Variants in NEK1 observed in about 807,000 individuals in gnomAD.
NEK1 encodes NIMA related kinase 1, also known as serine/threonine-protein kinase Nek1.
In NEK1, 137 loss-of-function variants were observed where a neutral mutation model predicts 182.1. The ratio of observed to expected loss-of-function variants is 0.75; its 90% CI spans 0.65 to 0.87. NEK1 has a LOEUF of 0.87. Among genes scored for constraint, NEK1 ranks in the 40% least tolerant of loss-of-function variants. The pLI is 0.00. For synonymous variants in NEK1, 513 were observed against 492.2 expected (o/e 1.04, Z -0.56); for missense variants, 1,391 against 1,494.4 (o/e 0.93, Z 1.14).
chr4:169,573,067 A>AG lies in NEK1; in HGVS notation c.1020+3860dup, dbSNP rs1307076031. 1.3e-5 allele frequency among the ~76,000 whole-genome samples: 2 copies of AG among 152,260 alleles called. 1 individual carries two copies. The highest frequency in any genetic ancestry group is 3.8e-4 in the East Asian group (2 of 5,206). ...TGCTAACATGAATGATTCAGTAGAG[A>AG]GAAAAAACTATAATGATGCAGGAGA... On this transcript the variant is annotated intron_variant, in intron 12 of 35. Coordinates refer to ENST00000507142, the MANE Select transcript of NEK1 (RefSeq NM_001199397.3).
At chr4:169,402,572 C>T (rs917347496) in intron 32 of NEK1, among the ~76,000 whole-genome samples, 7 of 152,158 alleles carry the variant, frequency 4.6e-5, no homozygotes, top group Admixed American at 1.3e-4. Flanking sequence ...ATTCTATTTT[C>T]ATGGGATTAT....
At chr4:169,604,333 G>A (rs943960451) in intron 2 of NEK1, among the ~76,000 whole-genome samples, 7 of 152,150 alleles carry the variant, frequency 4.6e-5, no homozygotes, top group Non-Finnish European at 1.0e-4. Flanking sequence ...AATACAATAA[G>A]CTAGCTAGTG....
At chr4:169,542,842 G>A (rs1375759668) in intron 18 of NEK1, among the ~76,000 whole-genome samples, 1 of 151,510 alleles carries the variant, frequency 6.6e-6, no homozygotes, top group African/African-American at 2.4e-5. Context: ...TTATTGATGG[G>A]GTTTTTTCTT....
intron 26 of NEK1, among the ~76,000 whole-genome samples, chr4:169,468,694 T>C (rs551038349): frequency 1.3e-5 from 2 of 152,284 alleles, no homozygotes; most frequent in African/African-American, 4.8e-5. Flanking sequence ...GAAGGAATGG[T>C]ACCAGCTCCT....
intron 18 of NEK1, among the ~76,000 whole-genome samples, chr4:169,546,875 CAT>C (rs1309016545): frequency 1.3e-5 from 2 of 152,188 alleles, no homozygotes; most frequent in East Asian, 1.9e-4. Context: ...TGTCTTTGCA[CAT>C]GAGATGGGTC....
At chr4:169,495,570 A>G (rs930804956) in intron 23 of NEK1, among the ~76,000 whole-genome samples, 1 of 152,062 alleles carries the variant, frequency 6.6e-6, no homozygotes, top group Non-Finnish European at 1.5e-5. Context: ...ATCTTGAATT[A>G]ATTTTTGTAT....
At chr4:169,605,931 A>G (rs1000224905) in intron 2 of NEK1, among the ~76,000 whole-genome samples, 2 of 152,178 alleles carry the variant, frequency 1.3e-5, no homozygotes, top group African/African-American at 4.8e-5. Flanking sequence ...ATTCAGAATC[A>G]AGAGACAAGA....
chr4:169,565,604 G>A (rs909201017), intron 12 of NEK1, among the ~76,000 whole-genome samples: 3 of 152,056 alleles, frequency 2.0e-5, no homozygotes, highest in Non-Finnish European at 2.9e-5. Flanking sequence ...CTATACAAAC[G>A]AATATTTGGC....
intron 12 of NEK1, among the ~76,000 whole-genome samples, chr4:169,574,193 A>C (rs1374137786): frequency 6.6e-6 from 1 of 152,180 alleles, no homozygotes. Flanking sequence ...GAAAATGAAA[A>C]CAAAAGGCCA....
At chr4:169,586,408 G>A (rs1297577881) in intron 9 of NEK1, among the ~76,000 whole-genome samples, 1 of 151,972 alleles carries the variant, frequency 6.6e-6, no homozygotes, top group East Asian at 1.9e-4. Flanking sequence ...AATCCTAAAT[G>A]CAGAAAAGAT....
rs973181307 is a variant in NEK1 at position 169,602,220 on chromosome 4, T to C, written c.118-116A>G. 25 of 724,562 alleles carry C rather than the reference T, an allele frequency of 3.5e-5. No homozygotes were observed. In the African/African-American group the frequency reaches 3.5e-4, roughly 10 times the overall value. The allele number at this position is 724,562 out of a possible 1,614,324, so 44.9% of individuals were successfully genotyped here. A position where few individuals can be genotyped will look rare whatever the true frequency, so the allele number is the denominator to read the frequency against. ...TATTAATACAGTTCAATCAACAAAATATAGCAAGAAGTTAAAAAGAATGAG... is the reference window on the plus strand; with the variant it reads ...TATTAATACAGTTCAATCAACAAAACATAGCAAGAAGTTAAAAAGAATGAG... On this transcript the variant is annotated intron_variant, in intron 3 of 35. Coordinates refer to ENST00000507142, the MANE Select transcript of NEK1 (RefSeq NM_001199397.3).
At chr4:169,528,728 T>G (rs10012920) in intron 19 of NEK1, among the ~76,000 whole-genome samples, 22 of 152,140 alleles carry the variant, frequency 1.4e-4, no homozygotes, top group African/African-American at 5.1e-4. Context: ...AGAATGTAGA[T>G]AGGCTATCAG....
intron 33 of NEK1, among the ~76,000 whole-genome samples, chr4:169,400,896 A>G (rs183173895): frequency 5.3e-5 from 8 of 150,420 alleles, no homozygotes; most frequent in Admixed American, 4.7e-4. Flanking sequence ...TGGAATCAAA[A>G]CACTCCTAGA....
At chr4:169,554,814 T>C (rs962686666) in intron 18 of NEK1, 1 of 152,162 alleles carries the variant, frequency 6.6e-6, no homozygotes, top group African/African-American at 2.4e-5. Flanking sequence ...CTATGGACTT[T>C]GGGTGATAAT....
intron 23 of NEK1, among the ~76,000 whole-genome samples, chr4:169,503,410 G>A (rs1161939058): frequency 6.6e-6 from 1 of 152,008 alleles, no homozygotes; most frequent in Non-Finnish European, 1.5e-5. Flanking sequence ...ACCCAGAATA[G>A]CCAAAGTTAT....
In NEK1 at chr4:169,507,183, G is replaced by GTTTTTTTTTTTTTTTT. The variant is rs372604613; in HGVS notation, c.1912-67_1912-52dup. 3 of 559,112 alleles carry GTTTTTTTTTTTTTTTT rather than the reference G, an allele frequency of 5.4e-6. 1 individual carries two copies. Among genetic ancestry groups the GTTTTTTTTTTTTTTTT allele is most frequent in the African/African-American group, 5.5e-5 (2 of 36,154 alleles). 34.6% of individuals were successfully genotyped at this position (559,112 alleles called of 1,614,324 possible). On this transcript the variant is annotated intron_variant, in intron 22 of 35. Transcript: ENST00000507142. ...TGAGTTACCAGAAAGAAGGGCAGAG[G>GTTTTTTTTTTTTTTTT]TTTTTTTTTTTTTTTTTGGGCCAGG... is the stretch of plus-strand genomic sequence containing the variant.
chr4:169,573,152 C>T (rs541199518), intron 12 of NEK1, among the ~76,000 whole-genome samples: 16 of 152,240 alleles, frequency 1.1e-4, no homozygotes, highest in Non-Finnish European at 1.9e-4. Context: ...TTGAGTTGAT[C>T]CTAACTGGGA....
At chr4:169,452,708 T>C (rs1416089978) in intron 27 of NEK1, among the ~76,000 whole-genome samples, 2 of 152,174 alleles carry the variant, frequency 1.3e-5, no homozygotes, top group Non-Finnish European at 2.9e-5. Flanking sequence ...GCCAGTATCA[T>C]ACTGAATGGG....
rs752341751 is a variant in NEK1, at chr4:169,507,175, G to A, written c.1912-43C>T. 21 of 1,261,022 alleles carry A rather than the reference G, an allele frequency of 1.7e-5. No homozygotes were observed. The East Asian group carries it at 4.5e-4, about 27-fold the overall frequency. 78.1% of individuals were successfully genotyped at this position (1,261,022 alleles called of 1,614,324 possible). A position where few individuals can be genotyped will look rare whatever the true frequency, so the allele number is the denominator to read the frequency against. ...TAACAAAATGAGTTACCAGAAAGAA[G>A]GGCAGAGGTTTTTTTTTTTTTTTTT... On this transcript the variant is annotated intron_variant, in intron 22 of 35. Transcript: ENST00000507142.
Sources: gnomAD v4.1 joint callset for allele counts (sites outside exome capture counted in the v4.1 genomes callset) on GRCh38, gnomAD v4.1.1 for gene constraint, MANE v1.5 for transcripts, NCBI Gene and HGNC (gene_info 2026-07-23, HGNC 2026-07-21) for gene names.